LARS2: variants seen among roughly 807,000 people sequenced by gnomAD.
LARS2 encodes the protein leucine--tRNA ligase, mitochondrial.
Under a neutral mutation model 116.6 loss-of-function variants are expected in LARS2, and 81 were observed. The ratio of observed to expected loss-of-function variants is 0.69; its 90% CI spans 0.58 to 0.84. The LOEUF (loss-of-function observed/expected upper bound fraction) is 0.84, where lower values mean the gene tolerates loss of function less well. Ranked by LOEUF, LARS2 falls within the 40% of genes least tolerant of loss-of-function variation. LARS2 has a pLI of 0.00. For missense variants in LARS2, 968 were observed against 1,114.5 expected, an observed-to-expected ratio of 0.87 and a Z score of 1.87; for synonymous variants, 396 against 407.2, an observed-to-expected ratio of 0.97 and a Z score of 0.33.
chr3:45,439,106 G>A (rs1698858550), intron 6 of LARS2, among the ~76,000 whole-genome samples: 1 of 151,794 alleles, frequency 6.6e-6, no homozygotes, highest in Non-Finnish European at 1.5e-5. Context: ...AAGCCCTGTT[G>A]GGGGTTGTGG....
At chr3:45,484,627 AAAAAT>A (rs1699766295) in intron 10 of LARS2, among the ~76,000 whole-genome samples, 4 of 71,786 alleles carry the variant, frequency 5.6e-5, no homozygotes, top group Non-Finnish European at 1.1e-4. Flanking sequence ...AAAAAAAAAA[AAAAAT>A]ATATATATAT....
intron 19 of LARS2, among the ~76,000 whole-genome samples, chr3:45,521,458 A>G (rs1700454914): frequency 6.6e-6 from 1 of 152,206 alleles, no homozygotes; most frequent in Non-Finnish European, 1.5e-5. Flanking sequence ...TTAAAAGGGT[A>G]ATTTTTAAAA....
At chr3:45,496,802 T>A (rs144909637) in intron 14 of LARS2, among the ~76,000 whole-genome samples, 217 of 152,336 alleles carry the variant, frequency 1.4e-3, no homozygotes, top group African/African-American at 5.0e-3. Context: ...CTGGAAGCTG[T>A]CAGTCAACTG....
chr3:45,461,215 T>A (rs1291187990), intron 8 of LARS2, among the ~76,000 whole-genome samples: 7 of 151,870 alleles, frequency 4.6e-5, no homozygotes, highest in Middle Eastern at 3.2e-3. Context: ...TTTTTTTTTT[T>A]AAATGAACCA....
intron 15 of LARS2, among the ~76,000 whole-genome samples, chr3:45,504,770 TG>T (rs1700173788): frequency 6.6e-6 from 1 of 151,496 alleles, no homozygotes; most frequent in African/African-American, 2.4e-5. Flanking sequence ...TTGTTTTGTT[TG>T]TTTTTTTTTT....
At position 45,539,341 on chromosome 3, in the gene LARS2, A is replaced by G. The variant is rs577787110; in HGVS notation, c.2405-2488A>G. On this transcript the variant is annotated intron_variant, in intron 20 of 21. Coordinates refer to ENST00000645846, the MANE Select transcript of LARS2 (RefSeq NM_015340.4). ...ATCTGTAACATAGTCTTTAAAAAAG[A>G]AAGAGAAGGCTGGGCACAGTGGCTT... is the stretch of plus-strand genomic sequence containing the variant. Among the ~76,000 whole-genome samples, 3 of 152,322 alleles carry G rather than the reference A, an allele frequency of 2.0e-5. No homozygotes were observed. The East Asian group carries it at 5.8e-4, about 29-fold the overall frequency.
chr3:45,521,079 C>T (rs377608772), intron 19 of LARS2, among the ~76,000 whole-genome samples: 12 of 151,988 alleles, frequency 7.9e-5, no homozygotes, highest in South Asian at 2.1e-4. Context: ...CTGAGGCAGG[C>T]GGATCACGAG....
chr3:45,405,443 C>T (rs1021121511), intron 4 of LARS2, among the ~76,000 whole-genome samples: 6 of 152,170 alleles, frequency 3.9e-5, no homozygotes, highest in African/African-American at 1.2e-4. Flanking sequence ...TAAAAGCATA[C>T]AACTCCTTTG....
intron 10 of LARS2, among the ~76,000 whole-genome samples, chr3:45,485,073 T>C (rs1041450499): frequency 3.3e-5 from 5 of 152,170 alleles, no homozygotes; most frequent in Admixed American, 6.5e-5. Context: ...TATTAGAACT[T>C]CCCTCTGTCT....
At chr3:45,447,070 G>A in intron 7 of LARS2, 90 bp downstream of exon 7, 1 of 739,030 alleles carries the variant, frequency 1.4e-6, no homozygotes, top group Non-Finnish European at 2.3e-6. Context: ...GCTACCTCAA[G>A]TTCATAAAAT....
At chr3:45,391,723 A>T (rs1267805284) in intron 2 of LARS2, 75 bp downstream of exon 2, 1 of 152,066 alleles carries the variant, frequency 6.6e-6, no homozygotes. Context: ...CTGCTTTTTT[A>T]AAAAAATGAA....
chr3:45,501,557 A>G (rs1277936516), intron 15 of LARS2, among the ~76,000 whole-genome samples: 2 of 152,188 alleles, frequency 1.3e-5, no homozygotes, highest in Admixed American at 6.5e-5. Flanking sequence ...AACTTCCAAA[A>G]TAGAACTCAG....
chr3:45,446,931 A>C lies in LARS2; in HGVS notation c.557A>C (p.Gln186Pro). Residue 186 changes from glutamine to proline, a missense_variant, in exon 7 of 22, where the codon CAG becomes CCG. By Grantham distance (76) the Gln-to-Pro change is moderately conservative. Coordinates refer to ENST00000645846, the MANE Select transcript of LARS2 (RefSeq NM_015340.4). The part of the protein sequence containing the change: ...TCLPDYYKWT[Q>P]YLFIKLYEAG... ...TTGCCAGATTACTACAAGTGGACTCAGTATCTCTTTATTAAACTGTATGAG... is the reference window on the plus strand; with the variant it reads ...TTGCCAGATTACTACAAGTGGACTCCGTATCTCTTTATTAAACTGTATGAG... 6.2e-7 allele frequency: 1 copy of C among 1,611,876 alleles called. No homozygotes were observed. The highest frequency in any genetic ancestry group is 8.5e-7 in the Non-Finnish European group (1 of 1,178,492).
intron 20 of LARS2, among the ~76,000 whole-genome samples, chr3:45,533,268 A>G (rs1700648205): frequency 6.8e-6 from 1 of 146,358 alleles, no homozygotes; most frequent in Non-Finnish European, 1.5e-5. Context: ...TGCCTGCATC[A>G]GCCTCCTGAG....
intron 15 of LARS2, chr3:45,506,839 G>C (rs1575300954): frequency 1.3e-5 from 2 of 152,004 alleles, no homozygotes; most frequent in African/African-American, 4.8e-5. Flanking sequence ...TTCCTGTTTT[G>C]TAAGAGTTGT....
At chr3:45,389,718 G>A (rs1697907679) in intron 1 of LARS2, among the ~76,000 whole-genome samples, 1 of 152,214 alleles carries the variant, frequency 6.6e-6, no homozygotes, top group Admixed American at 6.5e-5. Context: ...AGGAGCCCGA[G>A]CTAAGGAAGT....
chr3:45,516,055 A>G (rs1490826364), intron 16 of LARS2, 39 bp from the exon 17 acceptor site: 9 of 1,548,778 alleles, frequency 5.8e-6, no homozygotes, highest in Non-Finnish European at 7.1e-6. Context: ...GCAATTCACA[A>G]TGACACATAC....
At chr3:45,520,416 CTTGA>C (rs2125756425) in intron 19 of LARS2, 120 bp downstream of exon 19, 2 of 660,710 alleles carry the variant, frequency 3.0e-6, no homozygotes, top group African/African-American at 1.8e-5. Context: ...CTCAGTGTGG[CTTGA>C]TTATCTTAAG....
intron 15 of LARS2, among the ~76,000 whole-genome samples, chr3:45,501,170 T>TTTTTTTTTTTTTTTTTTTTTTGAG (rs1553635970): frequency 1.4e-5 from 2 of 141,528 alleles, no homozygotes; most frequent in African/African-American, 2.4e-5. Flanking sequence ...ATGGAATTTT[T>TTTTTTTTTTTTTTTTTTTTTTGAG]ATATATGAAC....
Sources: gnomAD v4.1 joint callset for allele counts (sites outside exome capture counted in the v4.1 genomes callset) on GRCh38, gnomAD v4.1.1 for gene constraint, MANE v1.5 for transcripts, NCBI Gene and HGNC (gene_info 2026-07-23, HGNC 2026-07-21) for gene names.